CDIN1: variants seen among roughly 807,000 people sequenced by gnomAD.
The protein encoded by CDIN1 is CDAN1-interacting nuclease 1.
Under a neutral mutation model 45.3 loss-of-function variants are expected in CDIN1, and 33 were observed. The ratio of observed to expected loss-of-function variants is 0.73; its 90% CI spans 0.55 to 0.97. CDIN1 has a LOEUF of 0.97. CDIN1 is among the 50% of genes least tolerant of loss of function. The probability of loss-of-function intolerance (pLI) is 0.00; values close to 1 mark genes in which losing one functional copy is unlikely to be tolerated. For missense variants in CDIN1, 303 were observed against 339.4 expected, an observed-to-expected ratio of 0.89 and a Z score of 0.84; for synonymous variants, 118 against 124.4, an observed-to-expected ratio of 0.95 and a Z score of 0.34.
At chr15:36,793,437 C>T (rs925811208) in intron 10 of CDIN1, among the ~76,000 whole-genome samples, 2 of 152,184 alleles carry the variant, frequency 1.3e-5, no homozygotes, top group Non-Finnish European at 2.9e-5. Context: ...TTATCTTAAG[C>T]AAGTCACTTG....
intron 1 of CDIN1, among the ~76,000 whole-genome samples, chr15:36,623,223 T>C (rs968401023): frequency 6.6e-6 from 1 of 152,156 alleles, no homozygotes; most frequent in Non-Finnish European, 1.5e-5. Context: ...CGCTGAATTT[T>C]TATTTCTTAT....
At chr15:36,625,473 AT>A (rs1316538238) in intron 1 of CDIN1, among the ~76,000 whole-genome samples, 4 of 152,330 alleles carry the variant, frequency 2.6e-5, no homozygotes, top group East Asian at 1.9e-4. Flanking sequence ...ACATTGAAGA[AT>A]TCTCTGATAA....
intron 5 of CDIN1, among the ~76,000 whole-genome samples, chr15:36,673,214 C>T (rs941879528): frequency 6.6e-6 from 1 of 151,978 alleles, no homozygotes; most frequent in Non-Finnish European, 1.5e-5. Flanking sequence ...GAGCTGTCTC[C>T]GGGTGTTTGA....
chr15:36,613,145 T>A (rs576898551), intron 1 of CDIN1, among the ~76,000 whole-genome samples: 2 of 152,354 alleles, frequency 1.3e-5, no homozygotes, highest in East Asian at 1.9e-4. Flanking sequence ...ATCTCTGTTA[T>A]GTGTTCACAT....
At chr15:36,792,436 C>T (rs1405983584) in intron 10 of CDIN1, among the ~76,000 whole-genome samples, 1 of 152,116 alleles carries the variant, frequency 6.6e-6, no homozygotes, top group Non-Finnish European at 1.5e-5. Context: ...ACCTCGTGCC[C>T]GCAGACTTCT....
intron 1 of CDIN1, among the ~76,000 whole-genome samples, chr15:36,596,165 T>C (rs1595719541): frequency 7.3e-6 from 1 of 137,372 alleles, no homozygotes; most frequent in Admixed American, 7.7e-5. Flanking sequence ...GTCAGTATCT[T>C]GTTGATGTGA....
rs10557235 is a variant in CDIN1, at chr15:36,751,229, T to TTATATATATATATATATATA, written c.716+41280_716+41299dup. ...ATAAAAGCATATATATATGCTTATT[T>TTATATATATATATATATATA]TATATATATATATATATATATATAT... On this transcript the variant is annotated intron_variant, in intron 10 of 10. Transcript: ENST00000566621. Among the ~76,000 whole-genome samples the TTATATATATATATATATATA allele has an allele frequency of 4.5e-3, 437 of 97,446 alleles. 3 individuals carry two copies. The highest frequency in any genetic ancestry group is 6.2e-3 in the African/African-American group (142 of 23,086). The allele number at this position is 97,446 out of a possible 152,430, so 63.9% of individuals were successfully genotyped here. A position where few individuals can be genotyped will look rare whatever the true frequency, so the allele number is the denominator to read the frequency against.
chr15:36,649,337 A>G lies in CDIN1; in HGVS notation c.212+4050A>G, dbSNP rs1038303948. ...AACTCTGGCAAAGATCTGAATTGCA[A>G]TTGGGATATAAGGATGTCATCCTTA... On this transcript the variant is annotated intron_variant, in intron 3 of 10. Transcript: ENST00000566621. Among the ~76,000 whole-genome samples, 5 of 152,200 alleles carry G rather than the reference A, an allele frequency of 3.3e-5. No homozygotes were observed. In the East Asian group the frequency reaches 9.6e-4, roughly 29 times the overall value.
chr15:36,593,435 A>C (rs1030913909), intron 1 of CDIN1, among the ~76,000 whole-genome samples: 2 of 152,220 alleles, frequency 1.3e-5, no homozygotes, highest in African/African-American at 4.8e-5. Flanking sequence ...ATGTAAGTTC[A>C]GGTGTAAGTC....
intron 10 of CDIN1, among the ~76,000 whole-genome samples, chr15:36,789,128 G>A (rs1263444396): frequency 1.3e-5 from 2 of 152,198 alleles, no homozygotes; most frequent in Non-Finnish European, 2.9e-5. Flanking sequence ...TGCATTCAAA[G>A]CCATCCTGGG....
chr15:36,707,918 T>C (rs143914967), intron 8 of CDIN1: 29 of 152,290 alleles, frequency 1.9e-4, no homozygotes, highest in African/African-American at 6.7e-4. Flanking sequence ...AATAGTTAAC[T>C]TGAGATTTTT....
chr15:36,755,111 A>G (rs1438062240), intron 10 of CDIN1, among the ~76,000 whole-genome samples: 1 of 152,178 alleles, frequency 6.6e-6, no homozygotes, highest in Admixed American at 6.6e-5. Flanking sequence ...CATTTGCATG[A>G]TGACAGCCAA....
chr15:36,770,515 C>G (rs2054048184), intron 10 of CDIN1, among the ~76,000 whole-genome samples: 1 of 152,106 alleles, frequency 6.6e-6, no homozygotes, highest in East Asian at 1.9e-4. Flanking sequence ...ATGGCACAAT[C>G]TCCACTCACT....
chr15:36,692,034 G>GGCCCCCC, intron 6 of CDIN1, 92 bp from the exon 7 acceptor site: 1 of 1,013,906 alleles, frequency 9.9e-7, no homozygotes, highest in Non-Finnish European at 1.4e-6. Context: ...GGGGGTGGGG[G>GGCCCCCC]AAGAAAAGTA....
chr15:36,643,286 C>T lies in CDIN1; in HGVS notation c.102-992C>T, dbSNP rs906204059. Among the ~76,000 whole-genome samples, 3 of 152,002 alleles carry T rather than the reference C, an allele frequency of 2.0e-5. No individual in the cohort carries two copies. The East Asian group carries it at 5.8e-4, about 29-fold the overall frequency. On this transcript the variant is annotated intron_variant, in intron 1 of 10. Coordinates refer to ENST00000566621, the MANE Select transcript of CDIN1 (RefSeq NM_001321759.2). ...CATCCAGAAGATGACGACACCTAGA[C>T]AATGAGTAAACAAATATGGTGTCAC...
chr15:36,633,636 A>G (rs2039773344), intron 1 of CDIN1, among the ~76,000 whole-genome samples: 1 of 152,028 alleles, frequency 6.6e-6, no homozygotes, highest in Admixed American at 6.6e-5. Context: ...TTTAACATAC[A>G]TTTATTATGT....
chr15:36,744,557 G>A (rs2140949518), intron 10 of CDIN1, among the ~76,000 whole-genome samples: 1 of 152,254 alleles, frequency 6.6e-6, no homozygotes, highest in East Asian at 1.9e-4. Flanking sequence ...TATCCTTAGG[G>A]ATCTCATACT....
intron 10 of CDIN1, among the ~76,000 whole-genome samples, chr15:36,785,518 C>T (rs896685129): frequency 6.6e-6 from 1 of 152,088 alleles, no homozygotes; most frequent in African/African-American, 2.4e-5. Context: ...AGGGCCTCTA[C>T]AAAGACAAGT....
At chr15:36,740,032 GAA>G (rs747862708) in intron 10 of CDIN1, among the ~76,000 whole-genome samples, 20 of 152,292 alleles carry the variant, frequency 1.3e-4, no homozygotes, top group Non-Finnish European at 2.6e-4. Context: ...AAGTTTCACT[GAA>G]TATGGTTTGT....
Sources: allele counts gnomAD v4.1 joint callset (sites outside exome capture counted in the v4.1 genomes callset), GRCh38; gene constraint gnomAD v4.1.1; transcripts MANE v1.5; gene names NCBI Gene and HGNC (gene_info 2026-07-23, HGNC 2026-07-21).